Variants in DOK5 observed in about 807,000 individuals in gnomAD.
DOK5 encodes the protein docking protein 5.
A neutral mutation model predicts 43.3 loss-of-function variants in DOK5; 27 were observed. The ratio of observed to expected loss-of-function variants is 0.62; its 90% CI spans 0.46 to 0.86. The LOEUF is 0.86. Ranked by LOEUF, DOK5 falls within the 40% of genes least tolerant of loss-of-function variation. The pLI is 0.00. For synonymous variants in DOK5, 146 were observed against 140.1 expected (o/e 1.04, Z -0.30); for missense variants, 373 against 392.9 (o/e 0.95, Z 0.43).
At chr20:54,647,111 C>A (rs6068929) in intron 7 of DOK5, among the ~76,000 whole-genome samples, 123,666 of 152,088 alleles carry the variant, frequency 0.81, 50,480 homozygotes, top group East Asian at 1. Flanking sequence ...CAAGACATAC[C>A]TAATCTACCT....
chr20:54,518,194 T>C (rs1024025133), intron 1 of DOK5, among the ~76,000 whole-genome samples: 1 of 152,196 alleles, frequency 6.6e-6, no homozygotes, highest in African/African-American at 2.4e-5. Flanking sequence ...TACATATATA[T>C]ACATGTGCCA....
intron 2 of DOK5, among the ~76,000 whole-genome samples, chr20:54,575,190 A>G (rs996003913): frequency 1.3e-5 from 2 of 152,220 alleles, no homozygotes; most frequent in African/African-American, 4.8e-5. Context: ...TTCAACAGGC[A>G]GGAATCATTT....
chr20:54,589,212 T>TA (rs1985908508), intron 4 of DOK5, among the ~76,000 whole-genome samples: 1 of 152,206 alleles, frequency 6.6e-6, no homozygotes, highest in African/African-American at 2.4e-5. Flanking sequence ...GTTAGCTCAC[T>TA]AGTGTTTGAT....
intron 1 of DOK5, among the ~76,000 whole-genome samples, chr20:54,538,231 A>G (rs1252207805): frequency 6.6e-6 from 1 of 151,722 alleles, no homozygotes; most frequent in African/African-American, 2.4e-5. Context: ...TTTAAGTCAC[A>G]GTTTCCAAGA....
intron 1 of DOK5, among the ~76,000 whole-genome samples, chr20:54,539,018 T>C (rs1187206370): frequency 6.6e-6 from 1 of 152,072 alleles, no homozygotes; most frequent in Non-Finnish European, 1.5e-5. Flanking sequence ...CACCGTGGCT[T>C]ACACCTGCAA....
At chr20:54,599,688 C>G (rs1011731922) in intron 5 of DOK5, among the ~76,000 whole-genome samples, 2 of 152,168 alleles carry the variant, frequency 1.3e-5, no homozygotes, top group African/African-American at 2.4e-5. Flanking sequence ...AGCAACATAC[C>G]TTGTCTGTGG....
rs1046416341 is a variant in DOK5, at chr20:54,476,096, A to T, written c.66+84A>T. On this transcript the variant is annotated intron_variant, in intron 1 of 7. Coordinates refer to ENST00000262593, the MANE Select transcript of DOK5 (RefSeq NM_018431.5). ...CAGCATCCCTGGAGGGTGGACGGAGAGTCCCCGGCCGCGCGCCGGAGAATT... is the reference window on the plus strand; with the variant it reads ...CAGCATCCCTGGAGGGTGGACGGAGTGTCCCCGGCCGCGCGCCGGAGAATT... 6 of 1,582,648 alleles carry T rather than the reference A, an allele frequency of 3.8e-6. No individual in the cohort carries two copies. The African/African-American group carries it at 8.0e-5, about 21-fold the overall frequency.
chr20:54,499,681 C>A lies in DOK5; in HGVS notation c.66+23669C>A, dbSNP rs1167380592. 2.6e-5 allele frequency among the ~76,000 whole-genome samples: 4 copies of A among 152,202 alleles called. No individual in the cohort carries two copies. In the East Asian group the frequency reaches 7.7e-4, roughly 29 times the overall value. On this transcript the variant is annotated intron_variant, in intron 1 of 7. Coordinates refer to ENST00000262593, the MANE Select transcript of DOK5 (RefSeq NM_018431.5). ...TAGTAAGGTTAAGACACAGATTAAT[C>A]AATCACATTTACACAAACAAGATGC...
At chr20:54,566,109 C>T (rs535270135) in intron 2 of DOK5, among the ~76,000 whole-genome samples, 2 of 151,408 alleles carry the variant, frequency 1.3e-5, no homozygotes, top group Non-Finnish European at 2.9e-5. Context: ...TCCCACCCCA[C>T]CACCCCAGCA....
At chr20:54,516,763 G>A (rs116895428) in intron 1 of DOK5, among the ~76,000 whole-genome samples, 1,623 of 152,238 alleles carry the variant, frequency 0.011, 16 homozygotes, top group Middle Eastern at 0.071. Flanking sequence ...CAAGCTTTTT[G>A]CTAGACCTGA....
intron 6 of DOK5, among the ~76,000 whole-genome samples, chr20:54,623,078 A>C (rs1351372555): frequency 6.6e-6 from 1 of 152,186 alleles, no homozygotes; most frequent in Non-Finnish European, 1.5e-5. Context: ...GTATGTGAGC[A>C]AGCAAATTGG....
chr20:54,548,368 T>C (rs1984415931), intron 1 of DOK5, among the ~76,000 whole-genome samples: 2 of 152,032 alleles, frequency 1.3e-5, no homozygotes, highest in Admixed American at 6.6e-5. Flanking sequence ...CCCAAGCAGC[T>C]GGGACTACAG....
At chr20:54,573,928 G>T (rs894856108) in intron 2 of DOK5, among the ~76,000 whole-genome samples, 1 of 152,146 alleles carries the variant, frequency 6.6e-6, no homozygotes, top group Non-Finnish European at 1.5e-5. Context: ...CTCAGAGCGT[G>T]TGGGAAGAAC....
intron 2 of DOK5, among the ~76,000 whole-genome samples, chr20:54,556,860 A>G (rs1288976429): frequency 1.3e-5 from 2 of 152,166 alleles, no homozygotes; most frequent in Admixed American, 6.5e-5. Context: ...GTTCTTCACA[A>G]TCCAAACATC....
intron 1 of DOK5, among the ~76,000 whole-genome samples, chr20:54,531,064 C>G (rs2146705925): frequency 6.6e-6 from 1 of 152,256 alleles, no homozygotes; most frequent in South Asian, 2.1e-4. Context: ...ATAGTTGTGA[C>G]TTTCCTCAGT....
At chr20:54,618,222 GGAATGCAGGGT>G (rs1406292342) in intron 6 of DOK5, among the ~76,000 whole-genome samples, 1 of 152,206 alleles carries the variant, frequency 6.6e-6, no homozygotes, top group Non-Finnish European at 1.5e-5. Flanking sequence ...ACTGGAGCCA[GGAATGCAGGGT>G]GGTTTTATCT....
intron 2 of DOK5, among the ~76,000 whole-genome samples, chr20:54,568,069 T>C (rs930689623): frequency 6.6e-6 from 1 of 152,200 alleles, no homozygotes; most frequent in East Asian, 1.9e-4. Context: ...AATGATTAAT[T>C]GTCTTTGCAT....
intron 6 of DOK5, among the ~76,000 whole-genome samples, chr20:54,622,217 TA>T (rs1202506747): frequency 1.4e-5 from 2 of 141,332 alleles, no homozygotes; most frequent in African/African-American, 6.3e-5. Flanking sequence ...ATAAAAAAAA[TA>T]AAATAAAAAA....
intron 6 of DOK5, among the ~76,000 whole-genome samples, chr20:54,615,492 G>A (rs908932424): frequency 3.3e-5 from 5 of 152,120 alleles, no homozygotes; most frequent in African/African-American, 1.2e-4. Context: ...AGGCAATGGT[G>A]GAAGCAGAGA....
Sources: gnomAD v4.1 joint callset for allele counts (sites outside exome capture counted in the v4.1 genomes callset) on GRCh38, gnomAD v4.1.1 for gene constraint, MANE v1.5 for transcripts, NCBI Gene and HGNC (gene_info 2026-07-23, HGNC 2026-07-21) for gene names.